LAMA2: variants seen among roughly 807,000 people sequenced by gnomAD.
LAMA2 encodes laminin subunit alpha-2.
In LAMA2, 269 loss-of-function variants were observed where a neutral mutation model predicts 364.8. The ratio of observed to expected loss-of-function variants is 0.74; its 90% confidence interval spans 0.67 to 0.82. The LOEUF (loss-of-function observed/expected upper bound fraction) is 0.82, where lower values mean the gene tolerates loss of function less well. Ranked by LOEUF, LAMA2 falls within the 40% of genes least tolerant of loss-of-function variation. The probability of loss-of-function intolerance (pLI) is 0.00; values close to 1 mark genes in which losing one functional copy is unlikely to be tolerated. For missense variants in LAMA2, 3,807 were observed against 3,873.2 expected (o/e 0.98, Z 0.45); for synonymous variants, 1,379 against 1,370.6 (o/e 1.01, Z -0.14).
At chr6:129,230,117 C>A (rs1274064013) in intron 12 of LAMA2, among the ~76,000 whole-genome samples, 1 of 152,056 alleles carries the variant, frequency 6.6e-6, no homozygotes, top group East Asian at 1.9e-4. Flanking sequence ...GGCCCTATAG[C>A]ACCCCAACAT....
intron 1 of LAMA2, among the ~76,000 whole-genome samples, chr6:128,909,518 G>A (rs1172955207): frequency 1.3e-5 from 2 of 148,396 alleles, no homozygotes; most frequent in South Asian, 2.2e-4. Context: ...TTTATTTTGA[G>A]CCTATGTGTG....
At chr6:129,475,565 C>G (rs891232519) in intron 53 of LAMA2, among the ~76,000 whole-genome samples, 164 bp downstream of exon 53, 5 of 151,636 alleles carry the variant, frequency 3.3e-5, no homozygotes, top group Non-Finnish European at 7.4e-5. Flanking sequence ...CCTGCTGCCC[C>G]TTGCTGGCCG....
intron 4 of LAMA2, among the ~76,000 whole-genome samples, chr6:129,125,120 A>G (rs1325967263): frequency 6.6e-6 from 1 of 152,224 alleles, no homozygotes; most frequent in African/African-American, 2.4e-5. Flanking sequence ...GTGAGGTGTG[A>G]GAATGAGATG....
chr6:128,887,850 A>G (rs1378712143), intron 1 of LAMA2, among the ~76,000 whole-genome samples: 1 of 152,188 alleles, frequency 6.6e-6, no homozygotes, highest in East Asian at 1.9e-4. Flanking sequence ...AGCCTGGGCA[A>G]CAGAGGGAGA....
intron 13 of LAMA2, 148 bp downstream of exon 13, chr6:129,250,361 T>C: frequency 1.5e-6 from 1 of 664,704 alleles, no homozygotes; most frequent in African/African-American, 1.8e-5. Flanking sequence ...GCCACTCTTT[T>C]GTTTCACTCT....
chr6:129,506,063 A>G (rs1037855308), intron 61 of LAMA2, among the ~76,000 whole-genome samples: 2 of 152,052 alleles, frequency 1.3e-5, no homozygotes, highest in Non-Finnish European at 2.9e-5. Context: ...ATTTATTTAA[A>G]GTGATTGGGT....
chr6:129,008,789 G>A (rs139705159), intron 1 of LAMA2, among the ~76,000 whole-genome samples: 1 of 152,228 alleles, frequency 6.6e-6, no homozygotes, highest in African/African-American at 2.4e-5. Context: ...TTGGCAGGAC[G>A]AGAGATTACT....
intron 29 of LAMA2, among the ~76,000 whole-genome samples, chr6:129,339,185 A>C (rs771489483): frequency 9.2e-5 from 14 of 152,224 alleles, no homozygotes; most frequent in Non-Finnish European, 1.6e-4. Flanking sequence ...TAATAATCCA[A>C]ATAAAATATG....
chr6:129,349,487 C>A, intron 31 of LAMA2, 103 bp downstream of exon 31: 1 of 935,016 alleles, frequency 1.1e-6, no homozygotes, highest in Non-Finnish European at 1.7e-6. Flanking sequence ...TCAATATTTG[C>A]ATATCCTTTA....
At chr6:129,397,432 C>T (rs1460004736) in intron 37 of LAMA2, among the ~76,000 whole-genome samples, 3 of 152,134 alleles carry the variant, frequency 2.0e-5, no homozygotes, top group African/African-American at 7.2e-5. Context: ...CCACACAAGC[C>T]ATGAGGAACA....
chr6:128,895,677 CAT>C (rs1776731694), intron 1 of LAMA2, among the ~76,000 whole-genome samples: 1 of 151,980 alleles, frequency 6.6e-6, no homozygotes, highest in Non-Finnish European at 1.5e-5. Context: ...ACAAAGGAAA[CAT>C]ACTAATATCT....
At position 129,098,343 on chromosome 6, in the gene LAMA2, G is replaced by A. The variant is rs746692025; in HGVS notation, c.567G>A (p.Pro189=). The change falls in exon 4 of 65, where the codon CCG becomes CCA. Residue 189 remains proline, a synonymous_variant. Transcript: ENST00000421865. Reference sequence around the variant, plus strand: ...ATATTTATCCCCGCACTGGGCCACCGTCATATGCCAAAGATGATGAGGTCA... The same window carrying A: ...ATATTTATCCCCGCACTGGGCCACCATCATATGCCAAAGATGATGAGGTCA... ...LYNIYPRTGP[P]SYAKDDEVIC... 14 of 1,613,786 alleles carry A rather than the reference G, an allele frequency of 8.7e-6. No homozygotes were observed. The highest frequency in any genetic ancestry group is 7.7e-5 in the South Asian group (7 of 91,072).
chr6:129,373,494 A>G (rs1005137340), intron 34 of LAMA2, among the ~76,000 whole-genome samples: 1 of 152,156 alleles, frequency 6.6e-6, no homozygotes, highest in Non-Finnish European at 1.5e-5. Context: ...GCTCATATAC[A>G]TGAGCTAATA....
chr6:129,165,621 C>T lies in LAMA2; in HGVS notation c.1252C>T (p.Pro418Ser). 6.2e-7 allele frequency: 1 copy of T among 1,613,302 alleles called. No individual in the cohort carries two copies. Among genetic ancestry groups the T allele is most frequent in the Non-Finnish European group, 8.5e-7 (1 of 1,179,520 alleles). ...PRPCQPCHCD[P>S]IGSLNEVCVK... Reference sequence around the variant, plus strand: ...GCCATGCCAGCCATGTCATTGCGATCCAATTGGTTCCTTAAATGAAGTCTG... The same window carrying T: ...GCCATGCCAGCCATGTCATTGCGATTCAATTGGTTCCTTAAATGAAGTCTG... Residue 418 changes from proline to serine, a missense_variant, in exon 9 of 65, where the codon CCA (proline) becomes TCA (serine). Coordinates refer to ENST00000421865, the MANE Select transcript of LAMA2 (RefSeq NM_000426.4).
At position 129,115,250 on chromosome 6, in the gene LAMA2, A is replaced by G. The variant is rs565613195; in HGVS notation, c.639+16835A>G. 3.3e-5 allele frequency among the ~76,000 whole-genome samples: 5 copies of G among 152,220 alleles called. No homozygotes were observed. The East Asian group carries it at 9.7e-4, about 29-fold the overall frequency. On this transcript the variant is annotated intron_variant, in intron 4 of 64. Transcript: ENST00000421865. ...AGAGATCTTTCCACATGTGTGTTCT[A>G]AAAAAGAACAGAGAAATAACCAGTC...
intron 27 of LAMA2, among the ~76,000 whole-genome samples, chr6:129,317,914 C>T (rs1166094192): frequency 5.3e-5 from 8 of 150,912 alleles, no homozygotes; most frequent in South Asian, 2.1e-4. Flanking sequence ...TTTTTTTTCC[C>T]GCCCTATGTC....
At chr6:128,956,209 G>A (rs566395539) in intron 1 of LAMA2, among the ~76,000 whole-genome samples, 2 of 151,990 alleles carry the variant, frequency 1.3e-5, no homozygotes, top group African/African-American at 4.8e-5. Context: ...TAATATTAAA[G>A]GAAGCATATG....
chr6:129,198,846 A>G (rs866823791), intron 12 of LAMA2, among the ~76,000 whole-genome samples: 3 of 152,212 alleles, frequency 2.0e-5, no homozygotes, highest in South Asian at 2.1e-4. Context: ...TCAGATAAAC[A>G]TTAAAGTAAT....
intron 1 of LAMA2, among the ~76,000 whole-genome samples, chr6:128,921,914 G>A (rs1778764818): frequency 7.4e-6 from 1 of 135,040 alleles, no homozygotes; most frequent in African/African-American, 2.9e-5. Flanking sequence ...GTGTCCATGT[G>A]TTCTCATTGT....
Sources: gnomAD v4.1 joint callset for allele counts (sites outside exome capture counted in the v4.1 genomes callset) on GRCh38, gnomAD v4.1.1 for gene constraint, MANE v1.5 for transcripts, NCBI Gene and HGNC (gene_info 2026-07-23, HGNC 2026-07-21) for gene names.